Variants in RABGAP1 observed in about 807,000 individuals in gnomAD.
The protein encoded by RABGAP1 is RAB GTPase activating protein 1.
Under a neutral mutation model 137.6 loss-of-function variants are expected in RABGAP1, and 23 were observed. The ratio of observed to expected loss-of-function variants is 0.17; its 90% CI spans 0.12 to 0.24. The LOEUF (loss-of-function observed/expected upper bound fraction) is 0.24, where lower values mean the gene tolerates loss of function less well. RABGAP1 is among the 10% of genes least tolerant of loss of function. The pLI is 1.00. For synonymous variants in RABGAP1, 451 were observed against 450.7 expected, an observed-to-expected ratio of 1.00 and a Z score of -0.01; for missense variants, 906 against 1,275.8, an observed-to-expected ratio of 0.71 and a Z score of 4.42.
intron 22 of RABGAP1, 133 bp from the exon 23 acceptor site, chr9:123,098,582 G>GA (rs1452841753): frequency 3.7e-5 from 24 of 641,984 alleles, no homozygotes; most frequent in Non-Finnish European, 3.8e-5. Flanking sequence ...ATTGAAGGAA[G>GA]AAAGTAGCTG....
At chr9:122,982,211 C>A (rs1836105431) in intron 2 of RABGAP1, among the ~76,000 whole-genome samples, 1 of 152,202 alleles carries the variant, frequency 6.6e-6, no homozygotes, top group Non-Finnish European at 1.5e-5. Context: ...ACTCTTACCA[C>A]TGTTTTGTGT....
intron 21 of RABGAP1, among the ~76,000 whole-genome samples, chr9:123,096,380 G>A (rs1162954461): frequency 6.6e-6 from 1 of 152,068 alleles, no homozygotes; most frequent in Non-Finnish European, 1.5e-5. Context: ...AACTGGACTG[G>A]CTATAGAAAT....
chr9:122,994,299 TTCTG>T (rs1161608299), intron 6 of RABGAP1, among the ~76,000 whole-genome samples: 8 of 152,180 alleles, frequency 5.3e-5, no homozygotes, highest in South Asian at 4.1e-4. Flanking sequence ...AGAGACAACT[TTCTG>T]TCTATTGTTG....
At chr9:122,951,972 G>A (rs1253346078) in intron 1 of RABGAP1, among the ~76,000 whole-genome samples, 1 of 152,196 alleles carries the variant, frequency 6.6e-6, no homozygotes, top group African/African-American at 2.4e-5. Flanking sequence ...GTGACTGTAG[G>A]CAAAAAGTTC....
intron 6 of RABGAP1, 106 bp downstream of exon 6, chr9:122,990,319 G>C: frequency 9.9e-7 from 1 of 1,007,910 alleles, no homozygotes; most frequent in South Asian, 2.7e-5. Flanking sequence ...TAAAGGGAGG[G>C]CTTTTAAAAA....
At chr9:122,985,106 A>G (rs377178271) in intron 3 of RABGAP1, among the ~76,000 whole-genome samples, 12 of 152,260 alleles carry the variant, frequency 7.9e-5, no homozygotes, top group African/African-American at 2.9e-4. Context: ...ATATAGCTCT[A>G]TGGGAGCAGT....
intron 10 of RABGAP1, among the ~76,000 whole-genome samples, chr9:123,000,732 T>G (rs998708008): frequency 6.6e-6 from 1 of 152,198 alleles, no homozygotes; most frequent in Non-Finnish European, 1.5e-5. Flanking sequence ...CAGGCTGGTC[T>G]TGACCTCCTG....
At chr9:122,943,663 A>T (rs1266242428) in intron 1 of RABGAP1, among the ~76,000 whole-genome samples, 1 of 152,034 alleles carries the variant, frequency 6.6e-6, no homozygotes, top group Non-Finnish European at 1.5e-5. Flanking sequence ...TCTTTTAAAG[A>T]AGTCTGTTGG....
At chr9:122,988,056 C>T in intron 4 of RABGAP1, among the ~76,000 whole-genome samples, 1 of 152,120 alleles carries the variant, frequency 6.6e-6, no homozygotes, top group East Asian at 1.9e-4. Flanking sequence ...CAAAGACTCA[C>T]AAATTCTATT....
chr9:122,964,950 C>A (rs542264641), intron 2 of RABGAP1, among the ~76,000 whole-genome samples: 2 of 152,110 alleles, frequency 1.3e-5, no homozygotes, highest in Non-Finnish European at 2.9e-5. Flanking sequence ...GCGTTGTGAT[C>A]ATAACCACTG....
At chr9:123,066,429 C>T (rs535369133) in intron 14 of RABGAP1, among the ~76,000 whole-genome samples, 52 of 152,314 alleles carry the variant, frequency 3.4e-4, no homozygotes, top group African/African-American at 1.2e-3. Flanking sequence ...TGTCCACTGC[C>T]TCTGGTCCCT....
In RABGAP1 at chr9:123,070,035, G is replaced by C. The variant is rs1465478302; in HGVS notation, c.1909-315G>C. ...GAAGAGTGCATGTTTGAGGCAGAGAGGGAAAGGACATCCCAAGGAGAGGGA... is the reference window on the plus strand; with the variant it reads ...GAAGAGTGCATGTTTGAGGCAGAGACGGAAAGGACATCCCAAGGAGAGGGA... On this transcript the variant is annotated intron_variant, in intron 14 of 25. Coordinates refer to ENST00000373647, the MANE Select transcript of RABGAP1 (RefSeq NM_012197.4). The surrounding 1 kb of genome is among the most constrained non-coding windows in gnomAD (Gnocchi z 4.4). Among the ~76,000 whole-genome samples, 1 of 152,170 alleles carries C rather than the reference G, an allele frequency of 6.6e-6. No homozygotes were observed. Among genetic ancestry groups the C allele is most frequent in the African/African-American group, 2.4e-5 (1 of 41,414 alleles).
intron 2 of RABGAP1, among the ~76,000 whole-genome samples, chr9:122,979,660 A>G (rs1327621863): frequency 2.0e-5 from 3 of 152,216 alleles, no homozygotes; most frequent in Non-Finnish European, 4.4e-5. Flanking sequence ...ATTGAGATTC[A>G]TGTACTTGCA....
intron 19 of RABGAP1, among the ~76,000 whole-genome samples, chr9:123,077,164 G>GTTTTTT (rs57474987): frequency 8.0e-6 from 1 of 124,436 alleles, no homozygotes; most frequent in African/African-American, 4.5e-5. Flanking sequence ...TTTTGTTTTT[G>GTTTTTT]TTTTTTTTTT....
intron 12 of RABGAP1, among the ~76,000 whole-genome samples, chr9:123,019,722 G>A (rs765183696): frequency 7.2e-6 from 1 of 138,224 alleles, no homozygotes; most frequent in Non-Finnish European, 1.6e-5. Flanking sequence ...AGACAGTCTC[G>A]CTCTGTCACC....
intron 6 of RABGAP1, among the ~76,000 whole-genome samples, chr9:122,994,382 T>A (rs1320518000): frequency 6.6e-6 from 1 of 152,228 alleles, no homozygotes; most frequent in East Asian, 1.9e-4. Context: ...GACCAGTGTA[T>A]CTATTACAAG....
chr9:123,028,214 G>A (rs1343480284), intron 13 of RABGAP1, among the ~76,000 whole-genome samples: 2 of 152,126 alleles, frequency 1.3e-5, no homozygotes, highest in African/African-American at 4.8e-5. Context: ...AAGCAGAATT[G>A]CCTTTTGTTT....
intron 1 of RABGAP1, 97 bp from the exon 2 acceptor site, chr9:122,956,914 T>A: frequency 2.2e-5 from 13 of 599,390 alleles, no homozygotes; most frequent in East Asian, 7.4e-5. Flanking sequence ...TTGAAGCATT[T>A]AAAAAAAAAT....
At chr9:122,954,039 G>A (rs1197058468) in intron 1 of RABGAP1, among the ~76,000 whole-genome samples, 4 of 152,170 alleles carry the variant, frequency 2.6e-5, no homozygotes, top group East Asian at 3.8e-4. Context: ...GCAGGGCGTT[G>A]GAGGGAGGAA....
Sources: allele counts gnomAD v4.1 joint callset (sites outside exome capture counted in the v4.1 genomes callset), GRCh38; gene constraint gnomAD v4.1.1; non-coding constraint Gnocchi (gnomAD v3.1); transcripts MANE v1.5; gene names NCBI Gene and HGNC (gene_info 2026-07-23, HGNC 2026-07-21).